The following STRN3 variants were observed in gnomAD, a reference collection of about 807,000 sequenced individuals.
STRN3 encodes striatin-3.
STRN3 carries 29 observed loss-of-function variants against 95.6 expected under a neutral mutation model. The ratio of observed to expected loss-of-function variants is 0.30; its 90% CI spans 0.23 to 0.41. The LOEUF is 0.41. Among genes scored for constraint, STRN3 ranks in the 10% least tolerant of loss-of-function variants. The pLI, the probability that STRN3 is intolerant of heterozygous loss-of-function variation, is 1.00. For synonymous variants in STRN3, 331 were observed against 357.6 expected, an observed-to-expected ratio of 0.93 and a Z score of 0.84; for missense variants, 890 against 972.1, an observed-to-expected ratio of 0.92 and a Z score of 1.12.
In STRN3 at chr14:30,895,815, C is replaced by T. The variant is rs964028632; in HGVS notation, c.2138-67G>A. On this transcript the variant is annotated intron_variant, in intron 16 of 17. Coordinates refer to ENST00000357479, the MANE Select transcript of STRN3 (RefSeq NM_001083893.2). The stretch of plus-strand genomic sequence containing the variant: ...TACTAACTCGAGACAACAGAAACTA[C>T]AATATAGCATCAACATAAAACAATC... 14 of 1,338,534 alleles carry T rather than the reference C, an allele frequency of 1.0e-5. No individual in the cohort carries two copies. The African/African-American group carries it at 1.6e-4, about 16-fold the overall frequency. The allele number at this position is 1,338,534 out of a possible 1,614,324, so 82.9% of individuals were successfully genotyped here. A position where few individuals can be genotyped will look rare whatever the true frequency, so the allele number is the denominator to read the frequency against.
chr14:30,989,266 C>T (rs911575900), intron 1 of STRN3, among the ~76,000 whole-genome samples: 9 of 152,102 alleles, frequency 5.9e-5, no homozygotes, highest in Non-Finnish European at 8.8e-5. Context: ...CCTTCTTCAC[C>T]GTGAACTTCC....
Position 30,924,612 on chromosome 14 carries a change from C to T in STRN3, c.1099+4589G>A, listed in dbSNP as rs188784871. On this transcript the variant is annotated intron_variant, in intron 8 of 17. Coordinates refer to ENST00000357479, the MANE Select transcript of STRN3 (RefSeq NM_001083893.2). ...CAGCCTCATGCTTGAAATCTTAATG[C>T]TTTTGGAGGTTGAGGTGAGATGATC... 3.8e-4 allele frequency among the ~76,000 whole-genome samples: 58 copies of T among 152,166 alleles called. No homozygotes were observed. The East Asian group carries it at 0.01, about 27-fold the overall frequency.
At chr14:31,011,895 C>G (rs1882986426) in intron 1 of STRN3, among the ~76,000 whole-genome samples, 1 of 152,142 alleles carries the variant, frequency 6.6e-6, no homozygotes, top group Non-Finnish European at 1.5e-5. Flanking sequence ...GCCTGACCAA[C>G]ATGGTGAAAC....
At chr14:30,943,925 A>C (rs1188712673) in intron 5 of STRN3, among the ~76,000 whole-genome samples, 1 of 152,076 alleles carries the variant, frequency 6.6e-6, no homozygotes, top group Non-Finnish European at 1.5e-5. Context: ...TTCCAGTCAT[A>C]CCAGATGAAA....
chr14:30,954,588 G>A (rs986741750), intron 3 of STRN3, among the ~76,000 whole-genome samples: 10 of 151,892 alleles, frequency 6.6e-5, no homozygotes, highest in Admixed American at 2.0e-4. Context: ...ATTTTACTTC[G>A]CTGTTATTGT....
At chr14:30,927,312 T>C (rs1481171979) in intron 8 of STRN3, among the ~76,000 whole-genome samples, 1 of 152,076 alleles carries the variant, frequency 6.6e-6, no homozygotes, top group African/African-American at 2.4e-5. Context: ...AAAATAAATT[T>C]TGTTTAATTT....
chr14:30,957,308 C>T (rs528335857), intron 1 of STRN3, among the ~76,000 whole-genome samples: 1 of 151,770 alleles, frequency 6.6e-6, no homozygotes, highest in African/African-American at 2.4e-5. Context: ...CAAAAAATTG[C>T]CAGGCGTAGT....
intron 1 of STRN3, among the ~76,000 whole-genome samples, chr14:31,004,018 T>TCA (rs1882600125): frequency 1.3e-5 from 2 of 150,204 alleles, no homozygotes; most frequent in Admixed American, 6.6e-5. Context: ...GCGCAGTGGC[T>TCA]CACACTTGTA....
At chr14:31,006,216 A>C (rs866370746) in intron 1 of STRN3, among the ~76,000 whole-genome samples, 11 of 151,998 alleles carry the variant, frequency 7.2e-5, no homozygotes, top group Non-Finnish European at 1.3e-4. Context: ...CAAAAACTCT[A>C]CTATGCTCAA....
At chr14:30,926,234 T>A (rs1897024525) in intron 8 of STRN3, among the ~76,000 whole-genome samples, 1 of 152,078 alleles carries the variant, frequency 6.6e-6, no homozygotes, top group South Asian at 2.1e-4. Flanking sequence ...TGGATCTACT[T>A]ACATTAGTAG....
chr14:31,007,910 G>A (rs1292829043), intron 1 of STRN3, among the ~76,000 whole-genome samples: 1 of 151,998 alleles, frequency 6.6e-6, no homozygotes, highest in Non-Finnish European at 1.5e-5. Flanking sequence ...ATAAAAAATT[G>A]GGCCTGGCGT....
Position 31,000,675 on chromosome 14 carries a change from C to T in STRN3, c.282+25229G>A, listed in dbSNP as rs117353900. Among the ~76,000 whole-genome samples, 959 of 152,216 alleles carry T rather than the reference C, an allele frequency of 6.3e-3. 4 individuals are homozygous for T. Among genetic ancestry groups the T allele is most frequent in the Middle Eastern group, 0.027 (8 of 294 alleles). On this transcript the variant is annotated intron_variant, in intron 1 of 17. Transcript: ENST00000357479. Reference sequence around the variant, plus strand: ...TTTAAATAATAATGTTACACGTCAACCCATTCCTTATCAATCTTCTCTGCT... The same window carrying T: ...TTTAAATAATAATGTTACACGTCAATCCATTCCTTATCAATCTTCTCTGCT...
At position 31,002,176 on chromosome 14, in the gene STRN3, AAAAAAAAAAAAAC is replaced by A. The variant is rs1335018397; in HGVS notation, c.282+23715_282+23727del. Among the ~76,000 whole-genome samples, 706 of 142,898 alleles carry A rather than the reference AAAAAAAAAAAAAC, an allele frequency of 4.9e-3. 17 individuals carry two copies. The highest frequency in any genetic ancestry group is 0.017 in the African/African-American group (669 of 38,612). 93.7% of individuals were successfully genotyped at this position (142,898 alleles called of 152,430 possible). On this transcript the variant is annotated intron_variant, in intron 1 of 17. Coordinates refer to ENST00000357479, the MANE Select transcript of STRN3 (RefSeq NM_001083893.2). ...AGTGAAATTCCATCTCAAAAAAAAA[AAAAAAAAAAAAAC>A]AAGGCCAGGCGTGGTGGCTCACACC...
intron 7 of STRN3, among the ~76,000 whole-genome samples, chr14:30,934,891 T>C (rs1465769370): frequency 1.3e-5 from 2 of 152,098 alleles, no homozygotes; most frequent in African/African-American, 2.4e-5. Flanking sequence ...GGGAAAGAAA[T>C]TGGATTTCCA....
chr14:31,003,801 A>T (rs1455742553), intron 1 of STRN3, among the ~76,000 whole-genome samples: 4 of 146,988 alleles, frequency 2.7e-5, no homozygotes, highest in Non-Finnish European at 4.5e-5. Context: ...TTTCTTAAAA[A>T]AAAAAAAAAA....
At chr14:31,025,848 C>A in intron 1 of STRN3, 56 bp downstream of exon 1, 1 of 1,559,730 alleles carries the variant, frequency 6.4e-7, no homozygotes, top group Non-Finnish European at 8.6e-7. Flanking sequence ...CCAGCCCCAC[C>A]CCCCGGCCGG....
Position 30,894,817 on chromosome 14 carries a change from A to T in STRN3, c.*594T>A. 2.6e-6 allele frequency: 1 copy of T among 380,780 alleles called. No homozygotes were observed. Among genetic ancestry groups the T allele is most frequent in the Non-Finnish European group, 4.3e-6 (1 of 233,212 alleles). 23.6% of individuals were successfully genotyped at this position (380,780 alleles called of 1,614,324 possible). A position where few individuals can be genotyped will look rare whatever the true frequency, so the allele number is the denominator to read the frequency against. ...TGTGACAGGCTAAATATATAAAAAG[A>T]CTTATAAAAACTAGAATTTTATCCA... On this transcript the variant is annotated 3_prime_UTR_variant, in exon 18 of 18. Transcript: ENST00000357479.
intron 7 of STRN3, among the ~76,000 whole-genome samples, chr14:30,933,280 T>TTAA (rs1555317709): frequency 0.098 from 2,258 of 22,980 alleles, 331 homozygotes; most frequent in Middle Eastern, 0.2. Flanking sequence ...CCCTGTTTCA[T>TTAA]AAAAAAAAAA....
At chr14:30,904,570 A>G (rs551022083) in intron 15 of STRN3, among the ~76,000 whole-genome samples, 1 of 152,268 alleles carries the variant, frequency 6.6e-6, no homozygotes, top group African/African-American at 2.4e-5. Flanking sequence ...AGGTAACCAA[A>G]TTGTTGATAA....
Sources: allele counts gnomAD v4.1 joint callset (sites outside exome capture counted in the v4.1 genomes callset), GRCh38; gene constraint gnomAD v4.1.1; transcripts MANE v1.5; gene names NCBI Gene and HGNC (gene_info 2026-07-23, HGNC 2026-07-21).